NKAIN2: variants seen among roughly 807,000 people sequenced by gnomAD.
NKAIN2 encodes the protein sodium/potassium transporting ATPase interacting 2.
In NKAIN2, 14 loss-of-function variants were observed where a neutral mutation model predicts 32.6. That is an observed-to-expected ratio of 0.43 (90% CI 0.28 to 0.67). The LOEUF (loss-of-function observed/expected upper bound fraction) is 0.67, where lower values mean the gene tolerates loss of function less well. Among genes scored for constraint, NKAIN2 ranks in the 30% least tolerant of loss-of-function variants. The pLI is 0.17. For synonymous variants in NKAIN2, 80 were observed against 87.2 expected (o/e 0.92, Z 0.46); for missense variants, 198 against 258.3 (o/e 0.77, Z 1.60).
chr6:124,686,933 C>T (rs890706957), intron 4 of NKAIN2, among the ~76,000 whole-genome samples: 1 of 151,978 alleles, frequency 6.6e-6, no homozygotes, highest in Non-Finnish European at 1.5e-5. Context: ...AGAAAGCAGG[C>T]AGAAAAACAT....
At chr6:124,655,557 T>A (rs1393074614) in intron 3 of NKAIN2, among the ~76,000 whole-genome samples, 1 of 152,030 alleles carries the variant, frequency 6.6e-6, no homozygotes, top group African/African-American at 2.4e-5. Context: ...CCTGGTGTGC[T>A]TGGGACTAAG....
At chr6:124,546,535 C>A (rs1445979418) in intron 3 of NKAIN2, among the ~76,000 whole-genome samples, 2 of 151,418 alleles carry the variant, frequency 1.3e-5, no homozygotes, top group Non-Finnish European at 2.9e-5. Context: ...ATAATATTAT[C>A]TATTAAGATA....
chr6:124,462,511 A>G (rs1392030678), intron 3 of NKAIN2, among the ~76,000 whole-genome samples: 2 of 152,020 alleles, frequency 1.3e-5, no homozygotes, highest in Non-Finnish European at 2.9e-5. Context: ...CTTTGTGAAC[A>G]TAGCTTTCAG....
intron 3 of NKAIN2, among the ~76,000 whole-genome samples, chr6:124,525,632 A>G (rs1038366071): frequency 2.0e-5 from 3 of 152,168 alleles, no homozygotes; most frequent in Admixed American, 6.5e-5. Flanking sequence ...AATAATGTAT[A>G]AATAGAGATT....
At chr6:123,958,694 A>G (rs1159877742) in intron 1 of NKAIN2, among the ~76,000 whole-genome samples, 1 of 152,212 alleles carries the variant, frequency 6.6e-6, no homozygotes, top group Non-Finnish European at 1.5e-5. Flanking sequence ...AGCACTTACC[A>G]CTGGCTATTA....
intron 1 of NKAIN2, among the ~76,000 whole-genome samples, chr6:123,950,764 T>G (rs775409806): frequency 6.6e-6 from 1 of 151,924 alleles, no homozygotes; most frequent in Non-Finnish European, 1.5e-5. Context: ...TGTTCCTTTG[T>G]GTTGTTTTTT....
intron 4 of NKAIN2, among the ~76,000 whole-genome samples, chr6:124,680,566 G>A (rs1267571046): frequency 6.6e-6 from 1 of 152,030 alleles, no homozygotes; most frequent in Non-Finnish European, 1.5e-5. Flanking sequence ...TGTCTTAGTG[G>A]TATTTGGCTA....
intron 3 of NKAIN2, among the ~76,000 whole-genome samples, chr6:124,573,526 C>T (rs989075023): frequency 2.6e-5 from 4 of 151,840 alleles, no homozygotes; most frequent in Non-Finnish European, 5.9e-5. Flanking sequence ...GCCTTATCTC[C>T]ATCTAATTAT....
rs963835214 is a variant in NKAIN2 at position 124,135,610 on chromosome 6, T to C, written c.55-147395T>C. ...CAATTCTAAATATATATGCACCTAA[T>C]ACTGGAGTTCCCAAATTCATAAAAC... On this transcript the variant is annotated intron_variant, in intron 1 of 6. Coordinates refer to ENST00000368417, the MANE Select transcript of NKAIN2 (RefSeq NM_001040214.3). Among the ~76,000 whole-genome samples, 6 of 150,676 alleles carry C rather than the reference T, an allele frequency of 4.0e-5. No individual in the cohort carries two copies. The South Asian group carries it at 1.3e-3, about 32-fold the overall frequency.
intron 3 of NKAIN2, among the ~76,000 whole-genome samples, chr6:124,377,024 C>T (rs1308329343): frequency 6.6e-6 from 1 of 152,130 alleles, no homozygotes; most frequent in Non-Finnish European, 1.5e-5. Context: ...TATTCTATCA[C>T]CCATTTAAGG....
At chr6:124,498,562 T>C (rs1275862555) in intron 3 of NKAIN2, among the ~76,000 whole-genome samples, 1 of 152,182 alleles carries the variant, frequency 6.6e-6, no homozygotes, top group African/African-American at 2.4e-5. Flanking sequence ...AGCTAGATTA[T>C]GACAGAACCC....
chr6:124,728,278 C>T (rs1433658592), intron 4 of NKAIN2, among the ~76,000 whole-genome samples: 1 of 99,398 alleles, frequency 1.0e-5, no homozygotes, highest in African/African-American at 3.9e-5. Flanking sequence ...CACACCACAC[C>T]TATTCCAAAA....
intron 4 of NKAIN2, among the ~76,000 whole-genome samples, chr6:124,761,671 A>G (rs1277023198): frequency 6.6e-6 from 1 of 152,174 alleles, no homozygotes; most frequent in Non-Finnish European, 1.5e-5. Flanking sequence ...TTTCTTTGAC[A>G]TCCTCTAACA....
intron 1 of NKAIN2, among the ~76,000 whole-genome samples, chr6:123,948,595 G>A (rs1191420600): frequency 8.0e-6 from 1 of 124,312 alleles, no homozygotes; most frequent in Non-Finnish European, 1.7e-5. Flanking sequence ...ATCTTAAATG[G>A]GATTTTTTTT....
At chr6:123,811,874 G>T (rs1444564384) in intron 1 of NKAIN2, among the ~76,000 whole-genome samples, 1 of 152,026 alleles carries the variant, frequency 6.6e-6, no homozygotes, top group East Asian at 1.9e-4. Flanking sequence ...CAGGTAGTTT[G>T]AACTAGATAA....
At chr6:123,907,046 C>A (rs1372510361) in intron 1 of NKAIN2, among the ~76,000 whole-genome samples, 1 of 152,166 alleles carries the variant, frequency 6.6e-6, no homozygotes, top group Non-Finnish European at 1.5e-5. Context: ...TGTATCTGAT[C>A]TCCTGTGAAC....
chr6:124,130,828 A>G (rs1461923468), intron 1 of NKAIN2, among the ~76,000 whole-genome samples: 2 of 152,212 alleles, frequency 1.3e-5, no homozygotes, highest in African/African-American at 2.4e-5. Flanking sequence ...GTTCCAGGTC[A>G]TGATGGATAG....
At chr6:124,088,466 T>C (rs1001783670) in intron 1 of NKAIN2, among the ~76,000 whole-genome samples, 1 of 151,940 alleles carries the variant, frequency 6.6e-6, no homozygotes, top group Admixed American at 6.6e-5. Flanking sequence ...AAATACAAAA[T>C]TGACATTTAT....
rs900084602 is a variant in NKAIN2 at position 123,912,288 on chromosome 6, A to G, written c.54+108034A>G. Among the ~76,000 whole-genome samples the G allele has an allele frequency of 1.8e-4, 28 of 152,086 alleles. 1 individual carries two copies. In the Middle Eastern group the frequency reaches 0.01, roughly 56 times the overall value. The stretch of plus-strand genomic sequence containing the variant: ...CATGTATTAAAAATCTAATATGATA[A>G]TTTATGTATTTTATAATAAATAATG... On this transcript the variant is annotated intron_variant, in intron 1 of 6. Coordinates refer to ENST00000368417, the MANE Select transcript of NKAIN2 (RefSeq NM_001040214.3).
Sources: allele counts gnomAD v4.1 joint callset (sites outside exome capture counted in the v4.1 genomes callset), GRCh38; gene constraint gnomAD v4.1.1; transcripts MANE v1.5; gene names NCBI Gene and HGNC (gene_info 2026-07-23, HGNC 2026-07-21).